Variants in TUBA4B observed in about 807,000 individuals in gnomAD.
TUBA4B encodes the protein tubulin alpha 4b.
A neutral mutation model predicts 18.4 loss-of-function variants in TUBA4B; 13 were observed. The ratio of observed to expected loss-of-function variants is 0.71; its 90% confidence interval spans 0.46 to 1.12. The LOEUF (loss-of-function observed/expected upper bound fraction) is 1.12, where lower values mean the gene tolerates loss of function less well. TUBA4B is among the 50% of genes most tolerant of loss of function. The probability of loss-of-function intolerance (pLI) is 0.00; values close to 1 mark genes in which losing one functional copy is unlikely to be tolerated. For missense variants in TUBA4B, 244 were observed against 250.0 expected (o/e 0.98, Z 0.16); for synonymous variants, 101 against 99.1 (o/e 1.02, Z -0.11).
intron 1 of TUBA4B, chr2:219,266,226 G>A: frequency 2.6e-6 from 1 of 382,458 alleles, no homozygotes; most frequent in South Asian, 4.6e-5. Flanking sequence ...AGTGCAGGCT[G>A]TGCCACCAGG....
intron 2 of TUBA4B, among the ~76,000 whole-genome samples, chr2:219,268,405 A>G (rs1191612174): frequency 3.9e-5 from 6 of 152,056 alleles, no homozygotes; most frequent in African/African-American, 1.4e-4. Flanking sequence ...TCAATTCATT[A>G]CCTTCTCTTA....
Position 219,272,031 on chromosome 2 carries a change from G to A in TUBA4B, c.*332G>A. 2.7e-6 allele frequency: 4 copies of A among 1,477,952 alleles called. No homozygotes were observed. In the South Asian group the frequency reaches 4.5e-5, roughly 17 times the overall value. 91.6% of individuals were successfully genotyped at this position (1,477,952 alleles called of 1,614,324 possible). On this transcript the variant is annotated 3_prime_UTR_variant, in exon 4 of 4. Coordinates refer to ENST00000490341, the MANE Select transcript of TUBA4B (RefSeq NM_001355221.1). ...CTGATATGTGGGTGAGGGCATGGAG[G>A]AGGGTGAGTTCTCCAAGGCCCATGA...
At chr2:219,253,753 C>T in intron 1 of TUBA4B, 1 of 1,409,078 alleles carries the variant, frequency 7.1e-7, no homozygotes. Context: ...TCCTGGAGAC[C>T]CGGAACGCCC....
intron 1 of TUBA4B, among the ~76,000 whole-genome samples, chr2:219,261,909 C>T (rs1027928687): frequency 2.0e-5 from 3 of 152,250 alleles, no homozygotes; most frequent in Admixed American, 2.0e-4. Flanking sequence ...TTTGGACACA[C>T]TGGGCTAGTT....
At chr2:219,253,773 C>T (rs1333183857) in intron 1 of TUBA4B, 1 of 1,490,360 alleles carries the variant, frequency 6.7e-7, no homozygotes, top group Non-Finnish European at 9.0e-7. Flanking sequence ...CGGTGGAGGT[C>T]CCCGAGCATG....
At chr2:219,256,725 T>C (rs901362072) in intron 1 of TUBA4B, among the ~76,000 whole-genome samples, 1 of 151,882 alleles carries the variant, frequency 6.6e-6, no homozygotes, top group Admixed American at 6.6e-5. Flanking sequence ...GCAGTGCTCA[T>C]GCCAGTAATC....
chr2:219,267,900 G>A (rs900719303), intron 2 of TUBA4B, among the ~76,000 whole-genome samples: 5 of 152,036 alleles, frequency 3.3e-5, no homozygotes, highest in African/African-American at 4.8e-5. Context: ...GCTGCCTCCA[G>A]TGTGAGACAT....
chr2:219,260,469 A>C (rs565346724), intron 1 of TUBA4B, among the ~76,000 whole-genome samples: 2 of 152,192 alleles, frequency 1.3e-5, no homozygotes, highest in Non-Finnish European at 2.9e-5. Flanking sequence ...ACTCAAATTT[A>C]TATCTCCATT....
intron 2 of TUBA4B, among the ~76,000 whole-genome samples, chr2:219,267,389 C>T (rs1951796663): frequency 6.6e-6 from 1 of 152,178 alleles, no homozygotes. Context: ...CTTCACCTGG[C>T]ACCTTATTAG....
chr2:219,269,433 C>G (rs1362803441), intron 2 of TUBA4B, among the ~76,000 whole-genome samples: 1 of 152,196 alleles, frequency 6.6e-6, no homozygotes, highest in Admixed American at 6.5e-5. Context: ...TTTGGCCCAG[C>G]CCCTACAGCC....
At chr2:219,254,022 G>T in intron 1 of TUBA4B, 1 of 674,118 alleles carries the variant, frequency 1.5e-6, no homozygotes, top group Non-Finnish European at 2.3e-6. Context: ...ACGCCTCCCG[G>T]GAGGGTAAGC....
chr2:219,266,474 G>C (rs1951790155), intron 1 of TUBA4B, 47 bp from the exon 2 acceptor site: 1 of 688,478 alleles, frequency 1.5e-6, no homozygotes, highest in Non-Finnish European at 2.6e-6. Context: ...AGGCTGGCTG[G>C]CCGCTGCAGG....
At chr2:219,257,815 CAAA>C (rs1321366133) in intron 1 of TUBA4B, among the ~76,000 whole-genome samples, 3 of 143,304 alleles carry the variant, frequency 2.1e-5, no homozygotes, top group Non-Finnish European at 3.0e-5. Flanking sequence ...GAAACTGTCT[CAAA>C]AAAAAAATAT....
At chr2:219,270,668 C>G (rs1559282410) in intron 3 of TUBA4B, among the ~76,000 whole-genome samples, 1 of 134,064 alleles carries the variant, frequency 7.5e-6, no homozygotes, top group Non-Finnish European at 1.5e-5. Flanking sequence ...GGGCAGAAGT[C>G]CCTGTGAAAG....
chr2:219,253,477 C>T, intron 1 of TUBA4B, 58 bp downstream of exon 1: 2 of 1,344,164 alleles, frequency 1.5e-6, no homozygotes, highest in Non-Finnish European at 2.1e-6. Flanking sequence ...GTGCTGAGGA[C>T]CAGGGACTGG....
At chr2:219,255,426 T>C (rs1951710122) in intron 1 of TUBA4B, among the ~76,000 whole-genome samples, 1 of 151,976 alleles carries the variant, frequency 6.6e-6, no homozygotes, top group African/African-American at 2.4e-5. Flanking sequence ...AGAGACGGGG[T>C]TTCACCATGT....
intron 2 of TUBA4B, among the ~76,000 whole-genome samples, chr2:219,266,961 C>T (rs911888122): frequency 6.6e-6 from 1 of 152,122 alleles, no homozygotes; most frequent in African/African-American, 2.4e-5. Flanking sequence ...GGGCTCTGAT[C>T]CCACCTTCCC....
Position 219,264,512 on chromosome 2 carries a change from G to C in TUBA4B, c.13-2009G>C, listed in dbSNP as rs57743561. 5.4e-3 allele frequency among the ~76,000 whole-genome samples: 824 copies of C among 151,838 alleles called. 12 individuals carry two copies. Among genetic ancestry groups the C allele is most frequent in the African/African-American group, 0.019 (773 of 41,358 alleles). On this transcript the variant is annotated intron_variant, in intron 1 of 3. Coordinates refer to ENST00000490341, the MANE Select transcript of TUBA4B (RefSeq NM_001355221.1). ...GATATAGAGAAATAAAGCAATGATAGTAATATGCCAGCATCACTGCTCTTG... is the reference window on the plus strand; with the variant it reads ...GATATAGAGAAATAAAGCAATGATACTAATATGCCAGCATCACTGCTCTTG...
intron 1 of TUBA4B, among the ~76,000 whole-genome samples, chr2:219,262,034 G>A (rs961116121): frequency 4.6e-5 from 7 of 152,210 alleles, no homozygotes; most frequent in Admixed American, 2.0e-4. Flanking sequence ...CCTTCTGGCC[G>A]GGTGTAGTGG....
Sources: gnomAD v4.1 joint callset for allele counts (sites outside exome capture counted in the v4.1 genomes callset) on GRCh38, gnomAD v4.1.1 for gene constraint, MANE v1.5 for transcripts, NCBI Gene and HGNC (gene_info 2026-07-23, HGNC 2026-07-21) for gene names.